The following PM20D2 variants were observed in gnomAD, a reference collection of about 807,000 sequenced individuals.
PM20D2 encodes peptidase M20 domain containing 2.
In PM20D2, 33 loss-of-function variants were observed where a neutral mutation model predicts 42.9. The ratio of observed to expected loss-of-function variants is 0.77; its 90% CI spans 0.58 to 1.03. The LOEUF (loss-of-function observed/expected upper bound fraction) is 1.03. Among genes scored for constraint, PM20D2 ranks in the 50% least tolerant of loss-of-function variants. PM20D2 has a pLI of 0.00. For missense variants in PM20D2, 548 were observed against 557.0 expected (o/e 0.98, Z 0.16); for synonymous variants, 250 against 228.2 (o/e 1.10, Z -0.86).
the PM20D2 span, among the ~76,000 whole-genome samples, chr6:89,116,760 A>G: frequency 1.3e-4 from 19 of 149,324 alleles, no homozygotes; most frequent in African/African-American, 4.7e-4. Flanking sequence ...GGGGGACAAG[A>G]GCGAGACTTT....
chr6:89,146,517 G>A lies in PM20D2; in HGVS notation c.373G>A (p.Gly125Ser), dbSNP rs1770563374. ...GCTGCCCGGCATCGGCCACGCCTGC[G>A]GCCACAACCTCATCGCTGAGGTCGG... ...DALPGIGHACGHNLIAEVGAA... is the reference protein window; with the variant it reads ...DALPGIGHACSHNLIAEVGAA... Residue 125 changes from glycine (G) to serine (S), a missense_variant, in exon 1 of 7, where the codon GGC becomes AGC. Transcript: ENST00000275072. The A allele has an allele frequency of 5.9e-6, 9 of 1,515,750 alleles. No homozygotes were observed. In the South Asian group the frequency reaches 1.1e-4, roughly 19 times the overall value. 93.9% of individuals were successfully genotyped at this position (1,515,750 alleles called of 1,614,324 possible). A position where few individuals can be genotyped will look rare whatever the true frequency, so the allele number is the denominator to read the frequency against.
At chr6:89,140,699 C>T in the PM20D2 span, among the ~76,000 whole-genome samples, 11 of 152,272 alleles carry the variant, frequency 7.2e-5, no homozygotes, top group African/African-American at 2.2e-4. Flanking sequence ...AAGGAAAAGC[C>T]TATCCTCTCA....
chr6:89,117,746 G>T, the PM20D2 span: 4 of 1,407,840 alleles, frequency 2.8e-6, no homozygotes, highest in Admixed American at 5.9e-5. Context: ...CCTCCGCCGG[G>T]CCTCGGCCGT....
At chr6:89,132,140 C>A in the PM20D2 span, among the ~76,000 whole-genome samples, 2 of 152,160 alleles carry the variant, frequency 1.3e-5, no homozygotes, top group Non-Finnish European at 2.9e-5. Flanking sequence ...AATAAAAGAA[C>A]CTAATGAAGA....
At position 89,161,666 on chromosome 6, in the gene PM20D2, A is replaced by T. The variant is rs962751870; in HGVS notation, c.1049-117A>T. ...CCATGAAAGCATGAGCATACGGACA[A>T]CTCTCCAAGAAGCTCACTTCTCTGC... On this transcript the variant is annotated intron_variant, in intron 5 of 6. Transcript: ENST00000275072. 6.6e-6 allele frequency: 5 copies of T among 755,130 alleles called. No individual in the cohort carries two copies. In the African/African-American group the frequency reaches 8.7e-5, roughly 13 times the overall value. The allele number at this position is 755,130 out of a possible 1,614,324, so 46.8% of individuals were successfully genotyped here.
At chr6:89,134,431 C>A in the PM20D2 span, among the ~76,000 whole-genome samples, 2 of 151,222 alleles carry the variant, frequency 1.3e-5, no homozygotes, top group Non-Finnish European at 2.9e-5. Flanking sequence ...CTCCCACCAT[C>A]CTGACTGAAC....
the PM20D2 span, among the ~76,000 whole-genome samples, chr6:89,106,403 G>A: frequency 1.1e-4 from 16 of 152,184 alleles, no homozygotes; most frequent in East Asian, 3.9e-4. Context: ...ATGAGCCACC[G>A]CACCCAGCCA....
chr6:89,123,854 A>G, the PM20D2 span, among the ~76,000 whole-genome samples: 1,605 of 151,536 alleles, frequency 0.011, 22 homozygotes, highest in African/African-American at 0.037. Flanking sequence ...TGGGCAACAT[A>G]TGATAACTCA....
At chr6:89,118,374 T>A in the PM20D2 span, among the ~76,000 whole-genome samples, 1 of 152,222 alleles carries the variant, frequency 6.6e-6, no homozygotes, top group Non-Finnish European at 1.5e-5. Flanking sequence ...CCGCTCAGCC[T>A]CCGCGGCCCT....
the PM20D2 span, among the ~76,000 whole-genome samples, chr6:89,126,813 TTTTGGAA>T: frequency 6.6e-6 from 1 of 152,118 alleles, no homozygotes; most frequent in Non-Finnish European, 1.5e-5. Flanking sequence ...AACAATGACT[TTTTGGAA>T]GTGTGGCTGA....
chr6:89,103,203 C>T, the PM20D2 span, among the ~76,000 whole-genome samples: 4 of 152,020 alleles, frequency 2.6e-5, no homozygotes, highest in African/African-American at 9.7e-5. Context: ...TTGAGACAGT[C>T]AAGTATTATA....
At chr6:89,111,120 T>C in the PM20D2 span, among the ~76,000 whole-genome samples, 2 of 151,792 alleles carry the variant, frequency 1.3e-5, no homozygotes, top group African/African-American at 2.4e-5. Flanking sequence ...TTTTTTTTTT[T>C]TTTTTGGAGA....
At chr6:89,106,691 C>T in the PM20D2 span, 1 of 200,200 alleles carries the variant, frequency 5.0e-6, no homozygotes, top group Non-Finnish European at 1.1e-5. Context: ...CTCAATGTCA[C>T]TTGATCTTGA....
the PM20D2 span, chr6:89,098,597 C>A: frequency 6.2e-7 from 1 of 1,611,122 alleles, no homozygotes; most frequent in Non-Finnish European, 8.5e-7. Context: ...GTTTTTATGA[C>A]GATAACTTCG....
At chr6:89,141,655 C>G (rs1770306618), upstream of PM20D2, among the ~76,000 whole-genome samples, 1 of 152,182 alleles carries the variant, frequency 6.6e-6, no homozygotes, top group Admixed American at 6.5e-5. Flanking sequence ...CGTGAGCCAC[C>G]ACGCCTGGCC....
chr6:89,154,853 A>G lies in PM20D2; in HGVS notation c.863A>G (p.Lys288Arg), dbSNP rs1480714377. Reference protein sequence around the residue: ...PSMKELQVLTKKAEDCFRAAA... With the variant: ...PSMKELQVLTRKAEDCFRAAA... Reference sequence around the variant, plus strand: ...ATGAAAGAACTTCAAGTTTTGACCAAAAAGGCAGAAGATTGCTTCAGAGCT... The same window carrying G: ...ATGAAAGAACTTCAAGTTTTGACCAGAAAGGCAGAAGATTGCTTCAGAGCT... The change falls in exon 4 of 7, where the codon AAA becomes AGA. Residue 288 changes from lysine (K) to arginine (R), a missense_variant. Coordinates refer to ENST00000275072, the MANE Select transcript of PM20D2 (RefSeq NM_001010853.3). 1.2e-6 allele frequency: 2 copies of G among 1,609,194 alleles called. No individual in the cohort carries two copies. Among genetic ancestry groups the G allele is most frequent in the East Asian group, 4.5e-5 (2 of 44,386 alleles).
At chr6:89,110,896 A>G in the PM20D2 span, among the ~76,000 whole-genome samples, 1 of 152,234 alleles carries the variant, frequency 6.6e-6, no homozygotes, top group African/African-American at 2.4e-5. Context: ...TGGGAGGACT[A>G]CTTGAGCCCA....
At chr6:89,095,177 T>C in the PM20D2 span, among the ~76,000 whole-genome samples, 1 of 152,210 alleles carries the variant, frequency 6.6e-6, no homozygotes, top group African/African-American at 2.4e-5. Context: ...CTACATATTC[T>C]ACTACCCTGT....
chr6:89,101,008 G>A, the PM20D2 span, among the ~76,000 whole-genome samples: 4 of 151,914 alleles, frequency 2.6e-5, no homozygotes, highest in African/African-American at 9.7e-5. Context: ...AGGAGGCTGA[G>A]GCAAGAGAAT....
Sources: allele counts gnomAD v4.1 joint callset (sites outside exome capture counted in the v4.1 genomes callset), GRCh38; gene constraint gnomAD v4.1.1; transcripts MANE v1.5; gene names NCBI Gene and HGNC (gene_info 2026-07-23, HGNC 2026-07-21).